TMEM217B: variants seen among roughly 807,000 people sequenced by gnomAD.
The protein encoded by TMEM217B is putative transmembrane protein 217B.
the TMEM217B span, among the ~76,000 whole-genome samples, chr6:37,222,809 A>T: frequency 6.6e-6 from 1 of 152,192 alleles, no homozygotes; most frequent in African/African-American, 2.4e-5. Context: ...TTCCCGACTT[A>T]ACTCAGAAGG....
At chr6:37,253,453 A>G in the TMEM217B span, among the ~76,000 whole-genome samples, 10 of 152,140 alleles carry the variant, frequency 6.6e-5, no homozygotes, top group South Asian at 1.7e-3. Context: ...TATTCCTATA[A>G]CCTCTTACTT....
the TMEM217B span, among the ~76,000 whole-genome samples, chr6:37,246,696 A>T: frequency 6.6e-6 from 1 of 152,228 alleles, no homozygotes; most frequent in Non-Finnish European, 1.5e-5. Context: ...TGAGCTCAGG[A>T]GTTTGAGACT....
the TMEM217B span, chr6:37,218,987 G>A: frequency 1.9e-6 from 3 of 1,614,028 alleles, no homozygotes; most frequent in Non-Finnish European, 2.5e-6. Flanking sequence ...TGACAACACG[G>A]TGCCCATTTT....
the TMEM217B span, among the ~76,000 whole-genome samples, chr6:37,225,071 A>G: frequency 6.6e-6 from 1 of 151,586 alleles, no homozygotes; most frequent in East Asian, 1.9e-4. Context: ...GTGGTGGCAC[A>G]TCCCTGTAAT....
chr6:37,224,089 A>T, the TMEM217B span, among the ~76,000 whole-genome samples: 2 of 150,616 alleles, frequency 1.3e-5, no homozygotes, highest in Admixed American at 6.6e-5. Flanking sequence ...GGCGCCCACC[A>T]CCATGCCTGG....
the TMEM217B span, among the ~76,000 whole-genome samples, chr6:37,224,308 A>T: frequency 2.7e-5 from 4 of 149,248 alleles, no homozygotes; most frequent in Non-Finnish European, 5.9e-5. Context: ...TAAAAAAGAA[A>T]TTTTTTTTAG....
the TMEM217B span, chr6:37,258,066 C>A: frequency 7.1e-7 from 1 of 1,416,096 alleles, no homozygotes; most frequent in African/African-American, 1.4e-5. Context: ...GCCACAGAGG[C>A]CAGAAGACTG....
the TMEM217B span, among the ~76,000 whole-genome samples, chr6:37,213,950 G>A: frequency 4.6e-5 from 7 of 152,294 alleles, no homozygotes; most frequent in East Asian, 3.9e-4. Flanking sequence ...TCAGGCTGAC[G>A]AATGTCCAAT....
the TMEM217B span, among the ~76,000 whole-genome samples, chr6:37,244,665 G>A: frequency 2.0e-5 from 3 of 152,166 alleles, no homozygotes; most frequent in East Asian, 1.9e-4. Flanking sequence ...TGTGTTGGCC[G>A]TATATTGTCA....
the TMEM217B span, among the ~76,000 whole-genome samples, chr6:37,240,313 A>G: frequency 6.6e-6 from 1 of 152,206 alleles, no homozygotes; most frequent in African/African-American, 2.4e-5. Context: ...GGGGCCATCT[A>G]AAGGCTCTAC....
chr6:37,222,456 C>G, the TMEM217B span, among the ~76,000 whole-genome samples: 1 of 152,200 alleles, frequency 6.6e-6, no homozygotes, highest in African/African-American at 2.4e-5. Flanking sequence ...CTCCTGGGGT[C>G]CCCGAGGGTG....
the TMEM217B span, among the ~76,000 whole-genome samples, chr6:37,247,467 A>G: frequency 6.6e-6 from 1 of 151,108 alleles, no homozygotes; most frequent in Non-Finnish European, 1.5e-5. Flanking sequence ...AGCTCACTGC[A>G]ACCTCTGCCT....
the TMEM217B span, among the ~76,000 whole-genome samples, chr6:37,230,771 T>G: frequency 1.3e-5 from 2 of 152,212 alleles, no homozygotes; most frequent in East Asian, 3.8e-4. Context: ...GCCAAAATTC[T>G]GCTTAACACA....
At chr6:37,221,209 C>T in the TMEM217B span, among the ~76,000 whole-genome samples, 27,174 of 147,386 alleles carry the variant, frequency 0.18, 3,169 homozygotes, top group East Asian at 0.43. Context: ...TTTTTTGAGA[C>T]GGAGTCTCGC....
At chr6:37,252,607 G>A in the TMEM217B span, among the ~76,000 whole-genome samples, 6 of 35,842 alleles carry the variant, frequency 1.7e-4, no homozygotes, top group Non-Finnish European at 2.9e-4. Flanking sequence ...GTGTGTGTGT[G>A]TATGTGTGTG....
the TMEM217B span, among the ~76,000 whole-genome samples, chr6:37,248,495 A>G: frequency 1.1e-4 from 16 of 152,100 alleles, no homozygotes; most frequent in African/African-American, 3.6e-4. Context: ...TTAGCCTAAT[A>G]TCAAAATCTG....
the TMEM217B span, chr6:37,218,529 G>A: frequency 1.7e-5 from 27 of 1,614,058 alleles, no homozygotes; most frequent in African/African-American, 6.7e-5. Flanking sequence ...GTAGAAATTC[G>A]TCTCTTGTAG....
chr6:37,249,504 G>A, the TMEM217B span, among the ~76,000 whole-genome samples: 1 of 151,930 alleles, frequency 6.6e-6, no homozygotes, highest in East Asian at 1.9e-4. Flanking sequence ...GTATTTTAGT[G>A]GAGACGGGGT....
chr6:37,224,667 GCTGGT>G, the TMEM217B span, among the ~76,000 whole-genome samples: 2 of 151,830 alleles, frequency 1.3e-5, no homozygotes, highest in Non-Finnish European at 2.9e-5. Context: ...TGTTACCCAG[GCTGGT>G]CTCAAACTCC....
Sources: allele counts gnomAD v4.1 joint callset (sites outside exome capture counted in the v4.1 genomes callset), GRCh38; gene constraint gnomAD v4.1.1; transcripts MANE v1.5; gene names NCBI Gene and HGNC (gene_info 2026-07-23, HGNC 2026-07-21).